The following ZNF721 variants were observed in gnomAD, a reference collection of about 807,000 sequenced individuals.
The protein encoded by ZNF721 is zinc finger protein 721.
A neutral mutation model predicts 2.4 loss-of-function variants in ZNF721; 2 were observed. That is an observed-to-expected ratio of 0.82 (90% CI 0.34 to 2.58). The LOEUF (loss-of-function observed/expected upper bound fraction) is 2.58, where lower values mean the gene tolerates loss of function less well. Among genes scored for constraint, ZNF721 ranks in the 30% most tolerant of loss-of-function variants. The probability of loss-of-function intolerance (pLI) is 0.11; values close to 1 mark genes in which losing one functional copy is unlikely to be tolerated. For synonymous variants in ZNF721, 398 were observed against 381.8 expected, an observed-to-expected ratio of 1.04 and a Z score of -0.50; for missense variants, 1,187 against 1,085.5, an observed-to-expected ratio of 1.09 and a Z score of -1.31.
intron 2 of ZNF721, among the ~76,000 whole-genome samples, chr4:448,269 T>C (rs1553864413): frequency 6.6e-6 from 1 of 152,020 alleles, no homozygotes; most frequent in Non-Finnish European, 1.5e-5. Flanking sequence ...ACCCCGTCTC[T>C]ACTAAAAATA....
At chr4:445,710 A>G (rs1026007280) in intron 2 of ZNF721, among the ~76,000 whole-genome samples, 2 of 152,218 alleles carry the variant, frequency 1.3e-5, no homozygotes, top group Non-Finnish European at 2.9e-5. Flanking sequence ...ATAATGACTC[A>G]GAAATTTTCA....
chr4:462,014 G>A lies in ZNF721; in HGVS notation c.34+10561C>T, dbSNP rs560434647. The stretch of plus-strand genomic sequence containing the variant: ...GATTGTATATTTAGAAAACCCAATC[G>A]TCTCAGCCCAAAATCTCCTTAAGCT... On this transcript the variant is annotated intron_variant, in intron 2 of 2. Transcript: ENST00000511833. Among the ~76,000 whole-genome samples, 781 of 152,240 alleles carry A rather than the reference G, an allele frequency of 5.1e-3. 4 individuals are homozygous for A. The highest frequency in any genetic ancestry group is 0.02 in the South Asian group (96 of 4,822).
intron 2 of ZNF721, among the ~76,000 whole-genome samples, chr4:464,027 T>C (rs924599100): frequency 6.6e-6 from 1 of 152,098 alleles, no homozygotes; most frequent in Non-Finnish European, 1.5e-5. Context: ...TTTGCAACAA[T>C]GTATGAAGAA....
chr4:473,818 G>C (rs1322297687), intron 1 of ZNF721, among the ~76,000 whole-genome samples: 3 of 152,206 alleles, frequency 2.0e-5, no homozygotes, highest in African/African-American at 7.2e-5. Context: ...GCCTTGCGGG[G>C]ACCCCGACAG....
At chr4:467,308 C>T (rs1553866886) in intron 2 of ZNF721, among the ~76,000 whole-genome samples, 1 of 152,050 alleles carries the variant, frequency 6.6e-6, no homozygotes, top group Admixed American at 6.6e-5. Context: ...AATATCTTGT[C>T]GGATCATACA....
chr4:444,289 T>C lies in ZNF721; in HGVS notation c.178A>G (p.Lys60Glu). 6.2e-7 allele frequency: 1 copy of C among 1,614,148 alleles called. No homozygotes were observed. Among genetic ancestry groups the C allele is most frequent in the South Asian group, 1.1e-5 (1 of 91,074 alleles). Residue 60 changes from lysine (K) to glutamate (E), a missense_variant, in exon 3 of 3, where the codon AAA becomes GAA. Coordinates refer to ENST00000511833, the MANE Select transcript of ZNF721 (RefSeq NM_133474.4). ...RKGCKSMNVC[K>E]VQKGVYNGIN... is the part of the protein sequence containing the mutation. The stretch of plus-strand genomic sequence containing the variant: ...CCATTATAAACTCCCTTCTGCACTT[T>C]ACACACGTTCATACTTTTACAGCCT...
chr4:441,962 T>C lies in ZNF721; in HGVS notation c.2505A>G (p.Lys835=). Residue 835 remains lysine (K), a synonymous_variant, in exon 3 of 3, where the codon AAA becomes AAG. Transcript: ENST00000511833. ...TGCCACATTCTTCACATGTGTAGGG[T>C]TTCTCTCCAGTATGAATTCTCCTAT... ...TKHRRIHTGE[K]PYTCEECGKA... 2 of 1,614,074 alleles carry C rather than the reference T, an allele frequency of 1.2e-6. No individual in the cohort carries two copies. The highest frequency in any genetic ancestry group is 2.2e-5 in the South Asian group (2 of 91,074).
rs1714339289 is a variant in ZNF721, at chr4:443,328, T to G, written c.1139A>C (p.Lys380Thr). 6.2e-7 allele frequency: 1 copy of G among 1,613,784 alleles called. No individual in the cohort carries two copies. Residue 380 changes from lysine to threonine, a missense_variant, in exon 3 of 3, where the codon AAG (lysine) becomes ACG (threonine). Physicochemically the swap from Lys to Thr is moderately conservative, Grantham distance 78. Coordinates refer to ENST00000511833, the MANE Select transcript of ZNF721 (RefSeq NM_133474.4). Reference protein sequence around the residue: ...FGRYTALNQHKKIHTGEKPYK... With the variant: ...FGRYTALNQHTKIHTGEKPYK... The stretch of plus-strand genomic sequence containing the variant: ...AGGTTTCTCTCCAGTATGAATTTTC[T>G]TGTGTTGATTCAGGGCTGTGTACCG...
At chr4:485,820 CA>C (rs1228173786) in intron 1 of ZNF721, among the ~76,000 whole-genome samples, 1 of 152,068 alleles carries the variant, frequency 6.6e-6, no homozygotes, top group Admixed American at 6.5e-5. Context: ...ACTAAAAATA[CA>C]AAAACTATCC....
At chr4:448,440 C>G (rs551742945) in intron 2 of ZNF721, among the ~76,000 whole-genome samples, 42 of 142,582 alleles carry the variant, frequency 2.9e-4, no homozygotes, top group Non-Finnish European at 5.1e-4. Context: ...CGTATCCCCC[C>G]CCAAAAAAAA....
intron 1 of ZNF721, among the ~76,000 whole-genome samples, chr4:483,965 G>C (rs1312035114): frequency 1.3e-5 from 2 of 151,996 alleles, no homozygotes; most frequent in African/African-American, 2.4e-5. Flanking sequence ...GGATGTACCA[G>C]CACACTCAGC....
chr4:444,227 T>C lies in ZNF721; in HGVS notation c.240A>G (p.Ile80Met), dbSNP rs1714393661. ...CTTTGACACGTGCATTACATTGAAATATTTTGCTCTGAGTATTTGACAAGC... is the reference window on the plus strand; with the variant it reads ...CTTTGACACGTGCATTACATTGAAACATTTTGCTCTGAGTATTTGACAAGC... ...NKCLSNTQSK[I>M]FQCNARVKVF... Residue 80 changes from isoleucine to methionine, a missense_variant, in exon 3 of 3, where the codon ATA becomes ATG. Ile to Met is a conservative substitution (Grantham distance 10). Coordinates refer to ENST00000511833, the MANE Select transcript of ZNF721 (RefSeq NM_133474.4). 6.2e-7 allele frequency: 1 copy of C among 1,613,590 alleles called. No homozygotes were observed. The highest frequency in any genetic ancestry group is 8.5e-7 in the Non-Finnish European group (1 of 1,179,672).
chr4:446,690 TTTTTTTTTC>T (rs538102313), intron 2 of ZNF721, among the ~76,000 whole-genome samples: 162 of 150,440 alleles, frequency 1.1e-3, no homozygotes, highest in Non-Finnish European at 1.2e-3. Flanking sequence ...CGAATTTTCT[TTTTTTTTTC>T]TTTTTTTTCT....
chr4:479,129 C>CT (rs1385699473), intron 1 of ZNF721, among the ~76,000 whole-genome samples: 1 of 152,150 alleles, frequency 6.6e-6, no homozygotes, highest in African/African-American at 2.4e-5. Flanking sequence ...AGAGTCAGCC[C>CT]TTTCCCCATT....
intron 2 of ZNF721, among the ~76,000 whole-genome samples, chr4:465,237 C>T (rs1553866597): frequency 2.6e-5 from 4 of 151,982 alleles, no homozygotes; most frequent in Admixed American, 1.3e-4. Flanking sequence ...TACCAAAAAA[C>T]TTAGCTGGAC....
At chr4:461,804 T>C (rs1391661841) in intron 2 of ZNF721, among the ~76,000 whole-genome samples, 1 of 152,056 alleles carries the variant, frequency 6.6e-6, no homozygotes, top group Non-Finnish European at 1.5e-5. Flanking sequence ...ACCCAGGAGA[T>C]GGAGGTTGCA....
intron 2 of ZNF721, among the ~76,000 whole-genome samples, chr4:460,627 CAAA>C (rs199519505): frequency 2.9e-4 from 29 of 101,388 alleles, no homozygotes; most frequent in Non-Finnish European, 4.2e-4. Flanking sequence ...AAGACCCTTT[CAAA>C]AAAAAAAAAA....
chr4:450,787 A>T (rs1366718051), intron 2 of ZNF721, among the ~76,000 whole-genome samples: 2 of 151,498 alleles, frequency 1.3e-5, no homozygotes, highest in African/African-American at 4.8e-5. Flanking sequence ...CATACAAAAA[A>T]TTAGATGGGC....
chr4:448,434 TC>T (rs1553864439), intron 2 of ZNF721, among the ~76,000 whole-genome samples: 1,482 of 103,154 alleles, frequency 0.014, 27 homozygotes, highest in African/African-American at 0.046. Context: ...GGAATCCGTA[TC>T]CCCCCCCAAA....
Sources: allele counts gnomAD v4.1 joint callset (sites outside exome capture counted in the v4.1 genomes callset), GRCh38; gene constraint gnomAD v4.1.1; transcripts MANE v1.5; gene names NCBI Gene and HGNC (gene_info 2026-07-23, HGNC 2026-07-21).